CSGALNACT1: variants seen among roughly 807,000 people sequenced by gnomAD.
CSGALNACT1 encodes the protein chondroitin sulfate N-acetylgalactosaminyltransferase 1, also known as beta4GalNAcT-1.
In CSGALNACT1, 52 loss-of-function variants were observed where a neutral mutation model predicts 51.0. That is an observed-to-expected ratio of 1.02 (90% confidence interval 0.82 to 1.29). CSGALNACT1 has a LOEUF of 1.29. CSGALNACT1 is among the 50% of genes most tolerant of loss of function. The pLI is 0.00. For synonymous variants in CSGALNACT1, 341 were observed against 254.4 expected (o/e 1.34, Z -3.24); for missense variants, 935 against 679.2 (o/e 1.38, Z -4.19).
intron 4 of CSGALNACT1, among the ~76,000 whole-genome samples, chr8:19,462,960 T>C (rs983680958): frequency 6.6e-6 from 1 of 152,182 alleles, no homozygotes; most frequent in Non-Finnish European, 1.5e-5. Context: ...GGTTTTCCAA[T>C]CCTCACCCTC....
chr8:19,506,907 C>T (rs2077440480), intron 3 of CSGALNACT1, among the ~76,000 whole-genome samples: 1 of 152,180 alleles, frequency 6.6e-6, no homozygotes, highest in Non-Finnish European at 1.5e-5. Flanking sequence ...TACGCAGCTT[C>T]AGGTATTCCT....
intron 6 of CSGALNACT1, among the ~76,000 whole-genome samples, chr8:19,427,842 C>G (rs77265436): frequency 0.015 from 2,307 of 152,190 alleles, 52 homozygotes; most frequent in African/African-American, 0.053. Flanking sequence ...ATGCCAAGCC[C>G]TCATGCACCT....
intron 8 of CSGALNACT1, among the ~76,000 whole-genome samples, chr8:19,408,994 C>T (rs1314332032): frequency 4.4e-5 from 4 of 90,892 alleles, no homozygotes; most frequent in Non-Finnish European, 1.1e-4. Flanking sequence ...AAACAAAAAC[C>T]GGGAGAGCCA....
intron 1 of CSGALNACT1, among the ~76,000 whole-genome samples, chr8:19,615,627 T>G: frequency 6.6e-6 from 1 of 152,196 alleles, no homozygotes; most frequent in East Asian, 1.9e-4. Flanking sequence ...ATATTAGAAC[T>G]ATGAAATGTG....
In CSGALNACT1 at chr8:19,530,994, G is replaced by T. The variant is rs375299351; in HGVS notation, c.-296-24864C>A. Among the ~76,000 whole-genome samples, 89 of 152,312 alleles carry T rather than the reference G, an allele frequency of 5.8e-4. 1 individual carries two copies. Among genetic ancestry groups the T allele is most frequent in the African/African-American group, 1.9e-3 (79 of 41,580 alleles). On this transcript the variant is annotated intron_variant, in intron 3 of 9. Transcript: ENST00000454498. ...TGTCATCAGTCAATCAGTATCAGCT[G>T]ATCTTCAAGCCTGACACTTCAAGTG...
intron 1 of CSGALNACT1, among the ~76,000 whole-genome samples, chr8:19,625,068 C>A (rs897402806): frequency 4.6e-5 from 7 of 152,300 alleles, no homozygotes; most frequent in South Asian, 2.1e-4. Context: ...AACGACTGAA[C>A]CATCTCAGCC....
chr8:19,488,402 T>C (rs1362293976), intron 4 of CSGALNACT1, among the ~76,000 whole-genome samples: 1 of 108,778 alleles, frequency 9.2e-6, no homozygotes, highest in Non-Finnish European at 2.0e-5. Flanking sequence ...TATATATATA[T>C]ATATATATAT....
At chr8:19,408,750 T>C in intron 8 of CSGALNACT1, 56 bp from the exon 8 acceptor site, 1 of 1,528,828 alleles carries the variant, frequency 6.5e-7, no homozygotes, top group Non-Finnish European at 9.1e-7. Context: ...AAAAATAGAG[T>C]GTTCACAAAC....
intron 3 of CSGALNACT1, among the ~76,000 whole-genome samples, chr8:19,518,022 G>A (rs1439063576): frequency 6.6e-6 from 1 of 152,198 alleles, no homozygotes; most frequent in African/African-American, 2.4e-5. Context: ...AGGAAAGTAA[G>A]CACCTGGAGA....
At chr8:19,468,462 C>T (rs181100507) in intron 4 of CSGALNACT1, among the ~76,000 whole-genome samples, 13 of 152,076 alleles carry the variant, frequency 8.5e-5, no homozygotes, top group South Asian at 2.1e-4. Context: ...AAAGGGGAGC[C>T]GGGTCAGCGT....
intron 4 of CSGALNACT1, among the ~76,000 whole-genome samples, chr8:19,502,901 C>A (rs1476031472): frequency 1.3e-5 from 2 of 152,142 alleles, no homozygotes; most frequent in African/African-American, 4.8e-5. Flanking sequence ...TTATAACCAC[C>A]TGGTCAAATG....
At chr8:19,450,829 G>C (rs11996479) in intron 5 of CSGALNACT1, among the ~76,000 whole-genome samples, 20,564 of 151,908 alleles carry the variant, frequency 0.14, 1,682 homozygotes, top group Middle Eastern at 0.23. Context: ...AGGATCACTG[G>C]AGCCCAGGAG....
intron 1 of CSGALNACT1, among the ~76,000 whole-genome samples, chr8:19,739,436 T>C (rs570624736): frequency 2.6e-5 from 4 of 152,208 alleles, no homozygotes; most frequent in African/African-American, 9.6e-5. Flanking sequence ...TTGAAACACA[T>C]GATGAAGAAA....
At chr8:19,616,155 G>C (rs2052976401) in intron 1 of CSGALNACT1, among the ~76,000 whole-genome samples, 1 of 152,138 alleles carries the variant, frequency 6.6e-6, no homozygotes, top group Non-Finnish European at 1.5e-5. Context: ...GTATATAGTA[G>C]GACCTCAATT....
At chr8:19,727,699 T>C (rs868368720) in intron 1 of CSGALNACT1, among the ~76,000 whole-genome samples, 2 of 152,186 alleles carry the variant, frequency 1.3e-5, no homozygotes, top group African/African-American at 4.8e-5. Context: ...TGGTTGATGG[T>C]TGCCCATCAA....
chr8:19,639,784 A>G (rs2056527848), intron 1 of CSGALNACT1, among the ~76,000 whole-genome samples: 1 of 152,146 alleles, frequency 6.6e-6, no homozygotes, highest in South Asian at 2.1e-4. Flanking sequence ...ATGGCAAAAT[A>G]TTAAGGAGTC....
At chr8:19,547,983 G>T (rs774183694) in intron 3 of CSGALNACT1, among the ~76,000 whole-genome samples, 1 of 152,118 alleles carries the variant, frequency 6.6e-6, no homozygotes, top group African/African-American at 2.4e-5. Flanking sequence ...CCATATTCCC[G>T]GCATTGTATT....
chr8:19,627,531 G>A (rs189422299), intron 1 of CSGALNACT1, among the ~76,000 whole-genome samples: 4 of 152,090 alleles, frequency 2.6e-5, no homozygotes, highest in African/African-American at 9.6e-5. Flanking sequence ...ACACAAAAAA[G>A]CAAGCATAAG....
At chr8:19,466,359 G>A (rs149240326) in intron 4 of CSGALNACT1, among the ~76,000 whole-genome samples, 9 of 151,978 alleles carry the variant, frequency 5.9e-5, no homozygotes, top group African/African-American at 2.2e-4. Context: ...TTAAGATAAA[G>A]AAAAAACACT....
Sources: allele counts gnomAD v4.1 joint callset (sites outside exome capture counted in the v4.1 genomes callset), GRCh38; gene constraint gnomAD v4.1.1; transcripts MANE v1.5; gene names NCBI Gene and HGNC (gene_info 2026-07-23, HGNC 2026-07-21).